Variants in CELSR1 observed in about 807,000 individuals in gnomAD.
CELSR1 encodes cadherin EGF LAG seven-pass G-type receptor 1.
CELSR1 carries 110 observed loss-of-function variants against 249.1 expected under a neutral mutation model. That is an observed-to-expected ratio of 0.44 (90% confidence interval 0.38 to 0.52). The LOEUF (loss-of-function observed/expected upper bound fraction) is 0.52. Among genes scored for constraint, CELSR1 ranks in the 20% least tolerant of loss-of-function variants. The probability of loss-of-function intolerance (pLI) is 0.00; values close to 1 mark genes in which losing one functional copy is unlikely to be tolerated. For synonymous variants in CELSR1, 2,113 were observed against 1,900.0 expected, an observed-to-expected ratio of 1.11 and a Z score of -2.92; for missense variants, 4,109 against 4,296.4, an observed-to-expected ratio of 0.96 and a Z score of 1.22.
chr22:46,405,706 A>G (rs2079258989), intron 9 of CELSR1, among the ~76,000 whole-genome samples: 1 of 152,122 alleles, frequency 6.6e-6, no homozygotes, highest in African/African-American at 2.4e-5. Context: ...GCCCGAGAGC[A>G]ATTATCCAAA....
At position 46,412,663 on chromosome 22, in the gene CELSR1, T is replaced by C. The variant is rs2079352040; in HGVS notation, c.4612-904A>G. On this transcript the variant is annotated intron_variant, in intron 5 of 34. Coordinates refer to ENST00000674500, the MANE Select transcript of CELSR1 (RefSeq NM_001378328.1). This position sits in a 1 kb window ranked among gnomAD's most constrained non-coding sequence, Gnocchi z 4.5. Reference sequence around the variant, plus strand: ...CTCGCAGGTCTCAGCTCCTGGTCAGTCCCTCCCAGGACACGAAGCATATCC... The same window carrying C: ...CTCGCAGGTCTCAGCTCCTGGTCAGCCCCTCCCAGGACACGAAGCATATCC... Among the ~76,000 whole-genome samples, 1 of 151,672 alleles carries C rather than the reference T, an allele frequency of 6.6e-6. No individual in the cohort carries two copies. The highest frequency in any genetic ancestry group is 1.5e-5 in the Non-Finnish European group (1 of 67,946).
At chr22:46,499,623 C>T (rs1330218708) in intron 1 of CELSR1, among the ~76,000 whole-genome samples, 1 of 152,222 alleles carries the variant, frequency 6.6e-6, no homozygotes, top group East Asian at 1.9e-4. Flanking sequence ...ACGGTCACCA[C>T]TGAGTCACAA....
At chr22:46,492,561 C>T (rs1486301396) in intron 1 of CELSR1, among the ~76,000 whole-genome samples, 2 of 152,150 alleles carry the variant, frequency 1.3e-5, no homozygotes, top group African/African-American at 4.8e-5. Context: ...CAGTGGCTCA[C>T]GCCTGTAAAC....
intron 2 of CELSR1, among the ~76,000 whole-genome samples, chr22:46,449,740 G>A (rs2079860829): frequency 6.6e-6 from 1 of 152,118 alleles, no homozygotes; most frequent in African/African-American, 2.4e-5. Flanking sequence ...GCTTTGAAGG[G>A]GTGCTGGCAT....
chr22:46,363,127 CT>C lies in CELSR1; in HGVS notation c.*95del. On this transcript the variant is annotated 3_prime_UTR_variant, in exon 35 of 35. Transcript: ENST00000674500. The surrounding 1 kb of genome is among the most constrained non-coding windows in gnomAD (Gnocchi z 4.3). ...ACTTCAAGGGCAGTGGCCCCTTGGG[CT>C]CCAAGGTCTGAGGGTGATGCCGCAG... is the stretch of plus-strand genomic sequence containing the variant. 1 of 1,613,280 alleles carries C rather than the reference CT, an allele frequency of 6.2e-7. No homozygotes were observed. The highest frequency in any genetic ancestry group is 8.5e-7 in the Non-Finnish European group (1 of 1,179,674).
At chr22:46,369,994 A>C (rs1331451526) in intron 25 of CELSR1, 190 bp from the exon 26 acceptor site, 5 of 662,358 alleles carry the variant, frequency 7.5e-6, no homozygotes, top group Non-Finnish European at 1.1e-5. Context: ...TCTCAGGCTC[A>C]CTGGCCCAGG....
intron 1 of CELSR1, among the ~76,000 whole-genome samples, chr22:46,505,261 C>CAAAAAAAAAAA (rs3081585): frequency 1.6e-5 from 1 of 62,548 alleles, no homozygotes; most frequent in Non-Finnish European, 2.7e-5. Flanking sequence ...GACTCTGTCT[C>CAAAAAAAAAAA]AAAAAAAAAA....
In CELSR1 at chr22:46,468,060, TGA is replaced by T. The variant is rs1225035235; in HGVS notation, c.3545-3717_3545-3716del. ...ATTCACAAGAGCTGAAACATGGAAG[TGA>T]CCTGCGTCCACCGACAGATTAACGG... On this transcript the variant is annotated intron_variant, in intron 1 of 34. Transcript: ENST00000674500. The surrounding 1 kb of genome is among the most constrained non-coding windows in gnomAD (Gnocchi z 4.5). 3.3e-5 allele frequency among the ~76,000 whole-genome samples: 5 copies of T among 151,868 alleles called. No homozygotes were observed. Among genetic ancestry groups the T allele is most frequent in the African/African-American group, 9.7e-5 (4 of 41,326 alleles).
intron 1 of CELSR1, chr22:46,481,409 T>A: frequency 7.3e-7 from 1 of 1,363,608 alleles, no homozygotes; most frequent in African/African-American, 1.4e-5. Flanking sequence ...ACACACTTGG[T>A]CACACCACCT....
chr22:46,369,118 G>A, intron 27 of CELSR1, 61 bp downstream of exon 27: 1 of 1,538,260 alleles, frequency 6.5e-7, no homozygotes, highest in Non-Finnish European at 9.0e-7. Context: ...CGCAGAGACT[G>A]GACGTCGGGG....
Position 46,380,790 on chromosome 22 carries a change from C to T in CELSR1, c.7254G>A (p.Leu2418=), listed in dbSNP as rs1184730974. 1 of 1,612,258 alleles carries T rather than the reference C, an allele frequency of 6.2e-7. No individual in the cohort carries two copies. Among genetic ancestry groups the T allele is most frequent in the East Asian group, 2.2e-5 (1 of 44,858 alleles). Residue 2418 remains leucine (L), a splice_region_variant and synonymous_variant, in exon 22 of 35, where the codon CTG becomes CTA. Transcript: ENST00000674500. The surrounding 1 kb of genome is among the most constrained non-coding windows in gnomAD (Gnocchi z 5.1). Reference sequence around the variant, plus strand: ...GGGGCTCCTGGCGTCACACTTACGCCAGGGAGTGGTTCCAGAACACGCAGA... The same window carrying T: ...GGGGCTCCTGGCGTCACACTTACGCTAGGGAGTGGTTCCAGAACACGCAGA... ...KPVCVFWNHS[L]AVGGTGGWSA...
Position 46,386,499 on chromosome 22 carries a change from T to C in CELSR1, c.6642A>G (p.Ala2214=). ...AGCCCTCGAGGCGCCGGAGCAGCTGTGCCGTGCCGCCCTCGCTCCGCTGGA... is the reference window on the plus strand; with the variant it reads ...AGCCCTCGAGGCGCCGGAGCAGCTGCGCCGTGCCGCCCTCGCTCCGCTGGA... ...EQIQRSEGGT[A]QLLRRLEGYF... The change falls in exon 19 of 35, where the codon GCA becomes GCG. Residue 2214 remains alanine (A), a synonymous_variant. Coordinates refer to ENST00000674500, the MANE Select transcript of CELSR1 (RefSeq NM_001378328.1). The C allele has an allele frequency of 3.1e-6, 5 of 1,599,366 alleles. No individual in the cohort carries two copies. The highest frequency in any genetic ancestry group is 4.3e-6 in the Non-Finnish European group (5 of 1,173,818).
At position 46,535,909 on chromosome 22, in the gene CELSR1, G is replaced by C; in HGVS notation, c.1262C>G (p.Ala421Gly). The C allele has an allele frequency of 6.2e-7, 1 of 1,608,706 alleles. No homozygotes were observed. The highest frequency in any genetic ancestry group is 8.5e-7 in the Non-Finnish European group (1 of 1,179,390). The stretch of plus-strand genomic sequence containing the variant: ...GGCCTCCACCAGGAGCTGGTACTCG[G>C]CCGCCTCCTCCCGGTCCAGCACCGC... ...TRAVLDREEA[A>G]EYQLLVEAND... The change falls in exon 1 of 35, where the codon GCC (alanine) becomes GGC (glycine). Residue 421 changes from alanine to glycine, a missense_variant. Ala to Gly is a moderately conservative substitution (Grantham distance 60). Transcript: ENST00000674500.
In CELSR1 at chr22:46,433,305, G is replaced by A. The variant is rs143090171; in HGVS notation, c.4611+88C>T. On this transcript the variant is annotated intron_variant, in intron 5 of 34. Coordinates refer to ENST00000674500, the MANE Select transcript of CELSR1 (RefSeq NM_001378328.1). The surrounding 1 kb of genome is among the most constrained non-coding windows in gnomAD (Gnocchi z 5.7). ...CTGCCTTGGCCTCTCAAAGTGCTGGGATTACAGGCGTGAGCCACTGCGCCT... is the reference window on the plus strand; with the variant it reads ...CTGCCTTGGCCTCTCAAAGTGCTGGAATTACAGGCGTGAGCCACTGCGCCT... The A allele has an allele frequency of 1.3e-4, 129 of 974,078 alleles. No homozygotes were observed. In the African/African-American group the frequency reaches 1.9e-3, roughly 14 times the overall value. The allele number at this position is 974,078 out of a possible 1,614,324, so 60.3% of individuals were successfully genotyped here. A position where few individuals can be genotyped will look rare whatever the true frequency, so the allele number is the denominator to read the frequency against.
In CELSR1 at chr22:46,497,282, G is replaced by A. The variant is rs557424208; in HGVS notation, c.3545-32937C>T. ...ATGTTTTATTTTATTTTCTTTATAC[G>A]TAACTTTATCATCTGTGAATAACAG... On this transcript the variant is annotated intron_variant, in intron 1 of 34. Transcript: ENST00000674500. Among the ~76,000 whole-genome samples the A allele has an allele frequency of 7.9e-4, 120 of 152,128 alleles. 1 individual carries two copies. Among genetic ancestry groups the A allele is most frequent in the Non-Finnish European group, 1.4e-3 (98 of 67,998 alleles).
chr22:46,532,622 C>T (rs2080803307), intron 1 of CELSR1, among the ~76,000 whole-genome samples: 1 of 152,184 alleles, frequency 6.6e-6, no homozygotes, highest in Admixed American at 6.5e-5. Flanking sequence ...GAAACACTGA[C>T]TCAAACAGCC....
At position 46,412,132 on chromosome 22, in the gene CELSR1, T is replaced by C. The variant is rs2079344611; in HGVS notation, c.4612-373A>G. On this transcript the variant is annotated intron_variant, in intron 5 of 34. Transcript: ENST00000674500. The surrounding 1 kb of genome is among the most constrained non-coding windows in gnomAD (Gnocchi z 4.5). The stretch of plus-strand genomic sequence containing the variant: ...GAAGCTGCGTGACCGCGGAGGCAGC[T>C]GCTGGAGCAGCTGTTTACAAGCCAA... Among the ~76,000 whole-genome samples the C allele has an allele frequency of 2.0e-5, 3 of 152,206 alleles. No individual in the cohort carries two copies. Among genetic ancestry groups the C allele is most frequent in the Admixed American group, 2.0e-4 (3 of 15,282 alleles).
chr22:46,487,038 TCACTCCCACTCCCACTCC>T (rs61398603), intron 1 of CELSR1, among the ~76,000 whole-genome samples: 1 of 144,200 alleles, frequency 6.9e-6, no homozygotes, highest in Non-Finnish European at 1.5e-5. Context: ...CTTCCTGCCC[TCACTCCCACTCCCACTCC>T]CACTCCCACT....
rs1569222011 is a variant in CELSR1 at position 46,530,156 on chromosome 22, T to TA, written c.3544+3470_3544+3471insT. The stretch of plus-strand genomic sequence containing the variant: ...GAGACCTTGTCTCTATTACAAATAA[T>TA]TAAAAAAAAAATCAGCCAGGTGTGG... On this transcript the variant is annotated intron_variant, in intron 1 of 34. Coordinates refer to ENST00000674500, the MANE Select transcript of CELSR1 (RefSeq NM_001378328.1). 8.5e-4 allele frequency among the ~76,000 whole-genome samples: 122 copies of TA among 144,004 alleles called. 1 individual carries two copies. The highest frequency in any genetic ancestry group is 3.6e-3 in the Middle Eastern group (1 of 278). 94.5% of individuals were successfully genotyped at this position (144,004 alleles called of 152,430 possible).
Sources: gnomAD v4.1 joint callset for allele counts (sites outside exome capture counted in the v4.1 genomes callset) on GRCh38, gnomAD v4.1.1 for gene constraint, Gnocchi (gnomAD v3.1) non-coding constraint, MANE v1.5 for transcripts, NCBI Gene and HGNC (gene_info 2026-07-23, HGNC 2026-07-21) for gene names.